The following SART1 variants were observed in gnomAD, a reference collection of about 807,000 sequenced individuals.
SART1 encodes the protein U4/U6.U5 tri-snRNP-associated protein 1.
In SART1, 28 loss-of-function variants were observed where a neutral mutation model predicts 105.0. That is an observed-to-expected ratio of 0.27 (90% CI 0.20 to 0.37). The LOEUF (loss-of-function observed/expected upper bound fraction) is 0.37, where lower values mean the gene tolerates loss of function less well. SART1 is among the 10% of genes least tolerant of loss of function. SART1 has a pLI of 1.00. For synonymous variants in SART1, 472 were observed against 462.9 expected, an observed-to-expected ratio of 1.02 and a Z score of -0.25; for missense variants, 894 against 1,106.5, an observed-to-expected ratio of 0.81 and a Z score of 2.72.
Position 65,966,454 on chromosome 11 carries a change from G to A in SART1, c.1086G>A (p.Glu362=). 4 of 1,613,220 alleles carry A rather than the reference G, an allele frequency of 2.5e-6. No individual in the cohort carries two copies. Among genetic ancestry groups the A allele is most frequent in the Non-Finnish European group, 3.4e-6 (4 of 1,179,756 alleles). Residue 362 remains glutamate (E), a synonymous_variant, in exon 9 of 20, where the codon GAG becomes GAA. Transcript: ENST00000312397. ...GCGGCACGGCTGATGGCCTGCGGGA[G>A]CGGGAGCTGGAGGAGATCCGGGCCA... ...EQGGTADGLR[E]RELEEIRAKL...
chr11:65,962,610 G>A (rs1855170324), intron 1 of SART1, among the ~76,000 whole-genome samples: 1 of 152,236 alleles, frequency 6.6e-6, no homozygotes, highest in Non-Finnish European at 1.5e-5. Context: ...GTTAAGAACT[G>A]TAGATTGTCT....
chr11:65,978,278 C>A lies in SART1; in HGVS notation c.2173-322C>A. ...CCGTCCTGCCCTACCACTCAGCTGC[C>A]CCCTTGCTCTCTGGGGTTTGTCTCC... On this transcript the variant is annotated intron_variant, in intron 17 of 19. Coordinates refer to ENST00000312397, the MANE Select transcript of SART1 (RefSeq NM_005146.5). The surrounding 1 kb of genome is among the most constrained non-coding windows in gnomAD (Gnocchi z 6.8). The A allele has an allele frequency of 2.0e-6, 1 of 501,050 alleles. No homozygotes were observed. Among genetic ancestry groups the A allele is most frequent in the Non-Finnish European group, 3.6e-6 (1 of 275,922 alleles). 31.0% of individuals were successfully genotyped at this position (501,050 alleles called of 1,614,324 possible).
chr11:65,972,164 A>C (rs1459020337), intron 12 of SART1, among the ~76,000 whole-genome samples: 1 of 152,140 alleles, frequency 6.6e-6, no homozygotes. Context: ...TCCAGTAAAA[A>C]TCCCAATAGG....
intron 16 of SART1, 41 bp downstream of exon 16, chr11:65,977,694 C>T: frequency 6.2e-7 from 1 of 1,613,588 alleles, no homozygotes; most frequent in African/African-American, 1.3e-5. Context: ...GGGGCCTGTG[C>T]CAGCTTGGAG....
chr11:65,966,234 G>T lies in SART1; in HGVS notation c.981+16G>T. 1.2e-6 allele frequency: 2 copies of T among 1,613,992 alleles called. No homozygotes were observed. Among genetic ancestry groups the T allele is most frequent in the South Asian group, 1.1e-5 (1 of 91,080 alleles). The stretch of plus-strand genomic sequence containing the variant: ...CCTGGCGCAGGCACGGCCTGGGCAG[G>T]CTGGGTGGCGGGGGCTGAGGTGGAG... On this transcript the variant is annotated intron_variant, in intron 8 of 19. Transcript: ENST00000312397.
Position 65,978,527 on chromosome 11 carries a change from T to TAC in SART1, c.2173-70_2173-69dup. ...TCAATCAACACCCGCCCTGTTATTA[T>TAC]ACACCTTGTGGGCACAGGTGGCTCC... On this transcript the variant is annotated intron_variant, in intron 17 of 19. Coordinates refer to ENST00000312397, the MANE Select transcript of SART1 (RefSeq NM_005146.5). The surrounding 1 kb of genome is among the most constrained non-coding windows in gnomAD (Gnocchi z 6.8). 7.0e-7 allele frequency: 1 copy of TAC among 1,435,346 alleles called. No homozygotes were observed. Among genetic ancestry groups the TAC allele is most frequent in the Non-Finnish European group, 9.6e-7 (1 of 1,043,550 alleles). The allele number at this position is 1,435,346 out of a possible 1,614,324, so 88.9% of individuals were successfully genotyped here.
chr11:65,977,226 G>A, intron 15 of SART1, 125 bp downstream of exon 15: 1 of 697,466 alleles, frequency 1.4e-6, no homozygotes, highest in Non-Finnish European at 2.5e-6. Context: ...CAGCTGTCCG[G>A]CCCAGAGCCA....
At chr11:65,962,456 T>C (rs955041296) in intron 1 of SART1, among the ~76,000 whole-genome samples, 2 of 152,326 alleles carry the variant, frequency 1.3e-5, no homozygotes, top group Middle Eastern at 3.4e-3. Flanking sequence ...ATAAATATGT[T>C]GAATGAGTGA....
At chr11:65,975,658 A>C (rs1590643772) in intron 12 of SART1, among the ~76,000 whole-genome samples, 1 of 152,094 alleles carries the variant, frequency 6.6e-6, no homozygotes, top group Non-Finnish European at 1.5e-5. Flanking sequence ...CACCCGCCTC[A>C]GAAGATTTTT....
intron 12 of SART1, among the ~76,000 whole-genome samples, chr11:65,968,177 T>C (rs1198653897): frequency 6.6e-6 from 1 of 152,186 alleles, no homozygotes; most frequent in African/African-American, 2.4e-5. Flanking sequence ...CTCCAACTCC[T>C]GACCTCATGA....
rs768927618 is a variant in SART1 at position 65,967,664 on chromosome 11, C to T, written c.1430-15C>T. 5.7e-6 allele frequency: 9 copies of T among 1,580,734 alleles called. No homozygotes were observed. Among genetic ancestry groups the T allele is most frequent in the Admixed American group, 1.9e-5 (1 of 53,526 alleles). On this transcript the variant is annotated splice_polypyrimidine_tract_variant and intron_variant, in intron 11 of 19. Transcript: ENST00000312397. Reference sequence around the variant, plus strand: ...AGGAGATGGTCTGAGCAGGCATCCCCTGTGTTTCCCCCAGAGGAAGGTGGA... The same window carrying T: ...AGGAGATGGTCTGAGCAGGCATCCCTTGTGTTTCCCCCAGAGGAAGGTGGA...
chr11:65,975,806 T>C (rs1489365113), intron 12 of SART1, among the ~76,000 whole-genome samples: 3 of 152,012 alleles, frequency 2.0e-5, no homozygotes, highest in Admixed American at 2.0e-4. Context: ...GGGGAGATGG[T>C]AATCATTGTG....
At position 65,979,134 on chromosome 11, in the gene SART1, T is replaced by C. The variant is rs942270661; in HGVS notation, c.*104T>C. The C allele has an allele frequency of 1.4e-6, 2 of 1,448,284 alleles. No individual in the cohort carries two copies. Among genetic ancestry groups the C allele is most frequent in the African/African-American group, 2.8e-5 (2 of 71,208 alleles). 89.7% of individuals were successfully genotyped at this position (1,448,284 alleles called of 1,614,324 possible). A position where few individuals can be genotyped will look rare whatever the true frequency, so the allele number is the denominator to read the frequency against. On this transcript the variant is annotated 3_prime_UTR_variant, in exon 20 of 20. Coordinates refer to ENST00000312397, the MANE Select transcript of SART1 (RefSeq NM_005146.5). ...GGTACAGATTCCAGGGTTGGATCTT[T>C]GGTTGGGTGTGGCACAGAGTCTGGC...
intron 12 of SART1, among the ~76,000 whole-genome samples, chr11:65,973,169 G>A (rs557639370): frequency 5.9e-5 from 9 of 151,838 alleles, no homozygotes; most frequent in Non-Finnish European, 1.3e-4. Flanking sequence ...GCAAGACTCC[G>A]TCTCAAAAAA....
Position 65,961,897 on chromosome 11 carries a change from G to A in SART1, c.117G>A (p.Lys39=). Residue 39 remains lysine (K), a synonymous_variant, in exon 1 of 20, where the codon AAG becomes AAA. Coordinates refer to ENST00000312397, the MANE Select transcript of SART1 (RefSeq NM_005146.5). The part of the protein sequence containing the change: ...PPRHREHKKH[K]HRSGGSGGSG... Reference sequence around the variant, plus strand: ...GGCACCGGGAACACAAAAAACACAAGCACCGGAGTGGCGGCAGTGGCGGTA... The same window carrying A: ...GGCACCGGGAACACAAAAAACACAAACACCGGAGTGGCGGCAGTGGCGGTA... 6.4e-7 allele frequency: 1 copy of A among 1,555,330 alleles called. No homozygotes were observed. Among genetic ancestry groups the A allele is most frequent in the South Asian group, 1.2e-5 (1 of 86,412 alleles).
chr11:65,970,611 C>T (rs1426251814), intron 12 of SART1, among the ~76,000 whole-genome samples: 2 of 123,754 alleles, frequency 1.6e-5, no homozygotes, highest in Non-Finnish European at 3.6e-5. Flanking sequence ...AGCCCATGGC[C>T]GATTGTTCTG....
In SART1 at chr11:65,966,529, C is replaced by T. The variant is rs1398458791; in HGVS notation, c.1161C>T (p.Ala387=). 2 of 1,558,428 alleles carry T rather than the reference C, an allele frequency of 1.3e-6. No homozygotes were observed. Among genetic ancestry groups the T allele is most frequent in the East Asian group, 4.5e-5 (2 of 44,386 alleles). The change falls in exon 9 of 20, where the codon GCC becomes GCT. Residue 387 remains alanine, a synonymous_variant. Transcript: ENST00000312397. ...QSLSTVGPRL[A]SEYLTPEEMV... is the part of the protein sequence containing the mutation. ...TGAGCACAGTGGGGCCCCGGCTGGC[C>T]TCCGAATACCTCACGCCTGAGGAGA...
chr11:65,967,090 TCA>T (rs1299755481), intron 9 of SART1, among the ~76,000 whole-genome samples, 167 bp from the exon 10 acceptor site: 1 of 152,060 alleles, frequency 6.6e-6, no homozygotes, highest in Non-Finnish European at 1.5e-5. Context: ...TTTCCCTAGC[TCA>T]CCAGTGGAAT....
intron 12 of SART1, among the ~76,000 whole-genome samples, chr11:65,975,324 A>G (rs1449430137): frequency 6.6e-6 from 1 of 151,648 alleles, no homozygotes; most frequent in Non-Finnish European, 1.5e-5. Flanking sequence ...GCTGGTCTCG[A>G]ACTCCTGGGC....
Sources: allele counts gnomAD v4.1 joint callset (sites outside exome capture counted in the v4.1 genomes callset), GRCh38; gene constraint gnomAD v4.1.1; non-coding constraint Gnocchi (gnomAD v3.1); transcripts MANE v1.5; gene names NCBI Gene and HGNC (gene_info 2026-07-23, HGNC 2026-07-21).